Variants in ARHGAP24 observed in about 807,000 individuals in gnomAD.
ARHGAP24 encodes the protein rho GTPase-activating protein 24.
A neutral mutation model predicts 76.4 loss-of-function variants in ARHGAP24; 50 were observed. The ratio of observed to expected loss-of-function variants is 0.65; its 90% confidence interval spans 0.52 to 0.83. ARHGAP24 has a LOEUF of 0.83. ARHGAP24 is among the 40% of genes least tolerant of loss of function. The pLI is 0.00. For missense variants in ARHGAP24, 930 were observed against 914.2 expected (o/e 1.02, Z -0.22); for synonymous variants, 345 against 323.3 (o/e 1.07, Z -0.72).
At chr4:85,499,748 G>T in intron 1 of ARHGAP24, among the ~76,000 whole-genome samples, 1 of 152,176 alleles carries the variant, frequency 6.6e-6, no homozygotes, top group East Asian at 1.9e-4. Context: ...TCTCTATAGA[G>T]ACTCATCTAG....
chr4:85,907,744 A>C (rs1734850121), intron 3 of ARHGAP24, among the ~76,000 whole-genome samples: 1 of 152,132 alleles, frequency 6.6e-6, no homozygotes, highest in Non-Finnish European at 1.5e-5. Flanking sequence ...ATTGTGTCTT[A>C]ATTTTCATTG....
At chr4:85,868,264 G>A (rs1158891943) in intron 3 of ARHGAP24, among the ~76,000 whole-genome samples, 1 of 152,070 alleles carries the variant, frequency 6.6e-6, no homozygotes, top group Non-Finnish European at 1.5e-5. Context: ...CTGGGTTAAG[G>A]TAAGGGTTGT....
intron 2 of ARHGAP24, among the ~76,000 whole-genome samples, chr4:85,591,680 C>T (rs56131080): frequency 0.023 from 3,520 of 152,104 alleles, 134 homozygotes; most frequent in African/African-American, 0.081. Flanking sequence ...TAAATTGCAG[C>T]GGCTCAAGAT....
intron 4 of ARHGAP24, chr4:85,930,349 AG>A (rs1023038780): frequency 9.1e-6 from 9 of 985,682 alleles, no homozygotes; most frequent in Non-Finnish European, 1.1e-5. Flanking sequence ...TAAAAGAAGC[AG>A]GGGGGTCCTT....
intron 2 of ARHGAP24, among the ~76,000 whole-genome samples, chr4:85,685,816 A>G (rs556113808): frequency 5.9e-5 from 9 of 152,360 alleles, no homozygotes; most frequent in Admixed American, 5.9e-4. Flanking sequence ...GTTTAAAACA[A>G]CAACCATTGT....
chr4:85,545,359 G>A (rs1445323726), intron 1 of ARHGAP24, among the ~76,000 whole-genome samples: 1 of 151,914 alleles, frequency 6.6e-6, no homozygotes, highest in Non-Finnish European at 1.5e-5. Flanking sequence ...CTCAGCCCCC[G>A]AAAGTGCTGG....
intron 2 of ARHGAP24, among the ~76,000 whole-genome samples, chr4:85,614,211 C>T (rs1720477947): frequency 6.6e-6 from 1 of 152,070 alleles, no homozygotes; most frequent in African/African-American, 2.4e-5. Flanking sequence ...CTTCTTTATT[C>T]TCCTGAAATA....
chr4:85,752,365 A>G (rs1726295286), intron 3 of ARHGAP24, among the ~76,000 whole-genome samples: 1 of 152,160 alleles, frequency 6.6e-6, no homozygotes, highest in African/African-American at 2.4e-5. Context: ...TTCACTCAGA[A>G]CATGTCACCA....
intron 3 of ARHGAP24, among the ~76,000 whole-genome samples, chr4:85,727,710 A>T (rs906240871): frequency 6.6e-6 from 1 of 152,088 alleles, no homozygotes; most frequent in Non-Finnish European, 1.5e-5. Flanking sequence ...ACCACCAACC[A>T]ACACACCTGA....
At chr4:85,758,125 C>T (rs1055878302) in intron 3 of ARHGAP24, among the ~76,000 whole-genome samples, 6 of 152,138 alleles carry the variant, frequency 3.9e-5, no homozygotes, top group Non-Finnish European at 7.4e-5. Context: ...AATACAATGG[C>T]GTCAGTGATC....
intron 3 of ARHGAP24, among the ~76,000 whole-genome samples, chr4:85,839,384 T>A (rs1488058066): frequency 6.6e-6 from 1 of 152,230 alleles, no homozygotes; most frequent in Admixed American, 6.5e-5. Context: ...ACTGTTTATG[T>A]TCACACAGAA....
In ARHGAP24 at chr4:85,942,284, C is replaced by T. The variant is rs1373415597; in HGVS notation, c.599+11C>T. 6.2e-7 allele frequency: 1 copy of T among 1,613,218 alleles called. No homozygotes were observed. The highest frequency in any genetic ancestry group is 1.3e-5 in the African/African-American group (1 of 74,856). On this transcript the variant is annotated intron_variant, in intron 5 of 9. Transcript: ENST00000395184. The stretch of plus-strand genomic sequence containing the variant: ...GCCATCATTTGACAGGTAGATGTCA[C>T]AATTTTACTAGCCATCTTCACTGAG...
At chr4:85,771,145 A>G (rs1355982119) in intron 3 of ARHGAP24, among the ~76,000 whole-genome samples, 4 of 152,212 alleles carry the variant, frequency 2.6e-5, no homozygotes, top group Non-Finnish European at 5.9e-5. Flanking sequence ...GAGAAACAAA[A>G]CCAAAAGGAG....
intron 3 of ARHGAP24, among the ~76,000 whole-genome samples, chr4:85,790,097 A>G (rs1260833061): frequency 6.6e-6 from 1 of 152,066 alleles, no homozygotes; most frequent in African/African-American, 2.4e-5. Context: ...TGATTCAACT[A>G]ATCTGATATG....
chr4:85,973,755 C>T (rs1037785236), intron 6 of ARHGAP24, among the ~76,000 whole-genome samples: 2 of 151,482 alleles, frequency 1.3e-5, no homozygotes, highest in Non-Finnish European at 2.9e-5. Context: ...ATACAATTGT[C>T]CCAGCACTGT....
intron 3 of ARHGAP24, among the ~76,000 whole-genome samples, chr4:85,818,982 G>A (rs1207700430): frequency 6.6e-6 from 1 of 152,152 alleles, no homozygotes; most frequent in Admixed American, 6.5e-5. Context: ...GTTTTAAAGA[G>A]AAACGTCATA....
intron 2 of ARHGAP24, among the ~76,000 whole-genome samples, chr4:85,574,540 A>C (rs973864923): frequency 1.3e-5 from 2 of 152,204 alleles, no homozygotes; most frequent in Admixed American, 1.3e-4. Context: ...TCCATATTGC[A>C]AGGGTGAATG....
intron 1 of ARHGAP24, among the ~76,000 whole-genome samples, chr4:85,559,737 G>A (rs1726522040): frequency 6.6e-6 from 1 of 152,042 alleles, no homozygotes; most frequent in Non-Finnish European, 1.5e-5. Flanking sequence ...TAAAATAAGA[G>A]ACATCCAACT....
chr4:85,654,390 A>G (rs1396765215), intron 2 of ARHGAP24, among the ~76,000 whole-genome samples: 2 of 152,176 alleles, frequency 1.3e-5, no homozygotes, highest in Admixed American at 6.5e-5. Context: ...TCACATTGGG[A>G]GTTAAGGTTT....
Sources: gnomAD v4.1 joint callset for allele counts (sites outside exome capture counted in the v4.1 genomes callset) on GRCh38, gnomAD v4.1.1 for gene constraint, MANE v1.5 for transcripts, NCBI Gene and HGNC (gene_info 2026-07-23, HGNC 2026-07-21) for gene names.